COG2: variants seen among roughly 807,000 people sequenced by gnomAD.
COG2 encodes the protein conserved oligomeric Golgi complex subunit 2.
Under a neutral mutation model 90.6 loss-of-function variants are expected in COG2, and 52 were observed. That is an observed-to-expected ratio of 0.57 (90% confidence interval 0.46 to 0.72). The LOEUF is 0.72. COG2 is among the 30% of genes least tolerant of loss of function. The probability of loss-of-function intolerance (pLI) is 0.00; values close to 1 mark genes in which losing one functional copy is unlikely to be tolerated. For missense variants in COG2, 829 were observed against 891.2 expected (o/e 0.93, Z 0.89); for synonymous variants, 337 against 320.4 (o/e 1.05, Z -0.55).
chr1:230,674,531 T>C (rs1662538686), intron 8 of COG2, among the ~76,000 whole-genome samples: 1 of 152,258 alleles, frequency 6.6e-6, no homozygotes, highest in South Asian at 2.1e-4. Flanking sequence ...ATTTTAGAAC[T>C]GAAAGTAATC....
chr1:230,662,230 C>T (rs1455654559), intron 3 of COG2, among the ~76,000 whole-genome samples: 3 of 152,102 alleles, frequency 2.0e-5, no homozygotes, highest in African/African-American at 4.8e-5. Context: ...TTGGTTTAGC[C>T]GTAGACCTGT....
chr1:230,688,227 AT>A (rs1216568545), intron 14 of COG2, 84 bp downstream of exon 14: 28 of 1,221,250 alleles, frequency 2.3e-5, no homozygotes, highest in Non-Finnish European at 2.9e-5. Context: ...TATATTTAAC[AT>A]TTTCTTCTGT....
chr1:230,682,971 C>T (rs1298543028), intron 10 of COG2: 1 of 152,260 alleles, frequency 6.6e-6, no homozygotes, highest in Non-Finnish European at 1.5e-5. Flanking sequence ...AGCCAGCTGT[C>T]ATCAGGGAAA....
intron 8 of COG2, among the ~76,000 whole-genome samples, chr1:230,673,607 A>G (rs1010811886): frequency 1.3e-5 from 2 of 152,218 alleles, no homozygotes; most frequent in African/African-American, 2.4e-5. Context: ...CATTATGTAT[A>G]TCTGTAGTTT....
rs1410380115 is a variant in COG2, at chr1:230,688,507, T to C, written c.1739T>C (p.Phe580Ser). 6.2e-7 allele frequency: 1 copy of C among 1,614,032 alleles called. No homozygotes were observed. The highest frequency in any genetic ancestry group is 8.5e-7 in the Non-Finnish European group (1 of 1,180,034). ...KIIQDLSDSC[F>S]GFLKSALEVP... is the part of the protein sequence containing the mutation. ...ATCCAGGATTTAAGTGACTCTTGCT[T>C]CGGTTTCCTAAAAAGCGCCCTGGAG... Residue 580 changes from phenylalanine to serine, a missense_variant, in exon 15 of 18, where the codon TTC becomes TCC. Physicochemically the swap from Phe to Ser is radical, Grantham distance 155 (BLOSUM62 -2). Transcript: ENST00000366669.
Position 230,685,110 on chromosome 1 carries a change from T to C in COG2, c.1254T>C (p.Ala418=). The change falls in exon 12 of 18, where the codon GCT becomes GCC. Residue 418 remains alanine (A), a synonymous_variant. Transcript: ENST00000366669. The stretch of plus-strand genomic sequence containing the variant: ...CTGAAAGTCCGTATTGCCTTTTGGC[T>C]TCTCATAGAACTTGGAGCAGCCTTA... The part of the protein sequence containing the change: ...APAESPYCLL[A]SHRTWSSLRR... The C allele has an allele frequency of 6.2e-7, 1 of 1,614,188 alleles. No homozygotes were observed. Among genetic ancestry groups the C allele is most frequent in the Non-Finnish European group, 8.5e-7 (1 of 1,180,016 alleles).
intron 1 of COG2, among the ~76,000 whole-genome samples, chr1:230,646,218 C>T (rs1424228130): frequency 1.3e-5 from 2 of 152,108 alleles, no homozygotes; most frequent in African/African-American, 4.8e-5. Context: ...TCTTTACTTT[C>T]TCTCCCTTCA....
chr1:230,642,545 T>TCTGCG lies in COG2; in HGVS notation c.-60_-56dup. On this transcript the variant is annotated 5_prime_UTR_variant, in exon 1 of 18. It removes the in-frame stop codon of an upstream open reading frame in the 5' UTR. Transcript: ENST00000366669. ...GCGGTGGCCGCGGCCGCCGAGTCGGTCTGCGCAGCCTCCTGCGTTTTCTCG... is the reference window on the plus strand; with the variant it reads ...GCGGTGGCCGCGGCCGCCGAGTCGGTCTGCGCTGCGCAGCCTCCTGCGTTTTCTCG... 2.6e-6 allele frequency: 4 copies of TCTGCG among 1,536,108 alleles called. No homozygotes were observed. The highest frequency in any genetic ancestry group is 3.5e-6 in the Non-Finnish European group (4 of 1,127,142).
At chr1:230,685,006 A>G (rs1195085087) in intron 11 of COG2, 79 bp from the exon 12 acceptor site, 13 of 1,488,588 alleles carry the variant, frequency 8.7e-6, no homozygotes, top group South Asian at 1.2e-5. Flanking sequence ...TGAATCGTAC[A>G]TCGGAAGTCT....
rs138379198 is a variant in COG2, at chr1:230,652,447, A to G, written c.73-7017A>G. ...TGGATATACCACAGTTTGTTCATCT[A>G]TTTACCTATTGAAAGAAATCATATT... On this transcript the variant is annotated intron_variant, in intron 1 of 17. Transcript: ENST00000366669. 2.2e-3 allele frequency among the ~76,000 whole-genome samples: 332 copies of G among 152,262 alleles called. 2 individuals carry two copies. Among genetic ancestry groups the G allele is most frequent in the African/African-American group, 7.7e-3 (322 of 41,558 alleles).
At chr1:230,691,213 A>G (rs1431580652) in intron 16 of COG2, among the ~76,000 whole-genome samples, 171 bp from the exon 17 acceptor site, 1 of 151,998 alleles carries the variant, frequency 6.6e-6, no homozygotes, top group Non-Finnish European at 1.5e-5. Flanking sequence ...ATATATACAC[A>G]TATATATATA....
chr1:230,692,100 G>T (rs1663043911), intron 17 of COG2, among the ~76,000 whole-genome samples: 1 of 152,114 alleles, frequency 6.6e-6, no homozygotes, highest in African/African-American at 2.4e-5. Context: ...AAGGTGCAAT[G>T]AATGTCTTTT....
At chr1:230,663,281 G>A (rs1662235950) in intron 4 of COG2, 60 bp downstream of exon 4, 10 of 1,291,050 alleles carry the variant, frequency 7.7e-6, no homozygotes, top group Non-Finnish European at 1.1e-5. Flanking sequence ...GTAGTAACAA[G>A]CACTTTCAGG....
intron 2 of COG2, 137 bp downstream of exon 2, chr1:230,659,762 A>C: frequency 1.7e-5 from 13 of 766,336 alleles, no homozygotes; most frequent in South Asian, 3.2e-5. Context: ...CCCTAATGTC[A>C]TCAATAAAAT....
At chr1:230,673,969 A>G (rs2102761690) in intron 8 of COG2, among the ~76,000 whole-genome samples, 1 of 152,320 alleles carries the variant, frequency 6.6e-6, no homozygotes, top group African/African-American at 2.4e-5. Flanking sequence ...CTTAGCTACA[A>G]AACTCCCAGT....
chr1:230,667,075 A>G (rs754018747), intron 5 of COG2, among the ~76,000 whole-genome samples: 5 of 152,194 alleles, frequency 3.3e-5, no homozygotes, highest in Admixed American at 6.5e-5. Flanking sequence ...CCTCCGGGTC[A>G]TCCCCTAGAC....
chr1:230,685,022 T>TACATG (rs1662852338), intron 11 of COG2, 63 bp from the exon 12 acceptor site: 4 of 1,573,876 alleles, frequency 2.5e-6, no homozygotes. Context: ...AGTCTCACAT[T>TACATG]AGACTATAGC....
chr1:230,679,226 C>A, intron 10 of COG2, 174 bp downstream of exon 10: 1 of 577,864 alleles, frequency 1.7e-6, no homozygotes, highest in Non-Finnish European at 2.8e-6. Context: ...TTGCCAAAGT[C>A]TGGCTTGCAT....
chr1:230,665,433 GA>G (rs1385350313), intron 5 of COG2, among the ~76,000 whole-genome samples: 3 of 152,128 alleles, frequency 2.0e-5, no homozygotes, highest in Non-Finnish European at 4.4e-5. Context: ...TAAGCTACAG[GA>G]AAACCAACCA....
Sources: allele counts gnomAD v4.1 joint callset (sites outside exome capture counted in the v4.1 genomes callset), GRCh38; gene constraint gnomAD v4.1.1; transcripts MANE v1.5; gene names NCBI Gene and HGNC (gene_info 2026-07-23, HGNC 2026-07-21).